Variants in ABCA13 observed in about 807,000 individuals in gnomAD.
ABCA13 encodes ATP binding cassette subfamily A member 13.
A neutral mutation model predicts 478.7 loss-of-function variants in ABCA13; 476 were observed. The observed-to-expected ratio is 0.99, with a 90% CI of 0.92 to 1.07. The LOEUF (loss-of-function observed/expected upper bound fraction) is 1.07. Ranked by LOEUF, ABCA13 falls within the 50% of genes least tolerant of loss-of-function variation. The probability of loss-of-function intolerance (pLI) is 0.00; values close to 1 mark genes in which losing one functional copy is unlikely to be tolerated. For synonymous variants in ABCA13, 2,252 were observed against 2,158.9 expected (o/e 1.04, Z -1.20); for missense variants, 6,060 against 5,910.6 (o/e 1.03, Z -0.83).
At chr7:48,426,483 T>C (rs1428975209) in intron 41 of ABCA13, among the ~76,000 whole-genome samples, 1 of 152,096 alleles carries the variant, frequency 6.6e-6, no homozygotes, top group African/African-American at 2.4e-5. Flanking sequence ...TGAGGTTGTG[T>C]AGAGAAATCA....
chr7:48,633,430 G>A (rs114536194), intron 59 of ABCA13, among the ~76,000 whole-genome samples: 2,387 of 152,110 alleles, frequency 0.016, 54 homozygotes, highest in African/African-American at 0.053. Context: ...GGACCTAATA[G>A]GCATCCACAG....
intron 7 of ABCA13, among the ~76,000 whole-genome samples, chr7:48,232,601 T>C (rs1163451952): frequency 6.6e-6 from 1 of 152,196 alleles, no homozygotes; most frequent in East Asian, 1.9e-4. Flanking sequence ...CTCATGTGGC[T>C]TTAGGCTACT....
intron 48 of ABCA13, among the ~76,000 whole-genome samples, chr7:48,495,409 C>T (rs1830188714): frequency 6.6e-6 from 1 of 152,080 alleles, no homozygotes; most frequent in African/African-American, 2.4e-5. Context: ...CCATACTCTG[C>T]ATTATTTCAA....
At chr7:48,432,438 A>G (rs934893300) in intron 42 of ABCA13, among the ~76,000 whole-genome samples, 1 of 152,120 alleles carries the variant, frequency 6.6e-6, no homozygotes, top group Admixed American at 6.6e-5. Flanking sequence ...TAAAAATAAA[A>G]CCACCATATG....
intron 41 of ABCA13, among the ~76,000 whole-genome samples, chr7:48,422,747 C>G (rs1483990684): frequency 6.6e-6 from 1 of 152,140 alleles, no homozygotes. Flanking sequence ...TAAGTGTTAC[C>G]CATATGGGAC....
intron 15 of ABCA13, among the ~76,000 whole-genome samples, chr7:48,267,554 T>G (rs531670206): frequency 6.6e-6 from 1 of 152,254 alleles, no homozygotes; most frequent in East Asian, 1.9e-4. Context: ...AATTGGATCT[T>G]GTTTTATCCA....
intron 37 of ABCA13, among the ~76,000 whole-genome samples, chr7:48,389,813 G>A (rs1442007391): frequency 6.6e-6 from 1 of 152,118 alleles, no homozygotes; most frequent in Non-Finnish European, 1.5e-5. Flanking sequence ...GGAGGTTTAA[G>A]GTTAAACTAC....
At chr7:48,388,929 C>G (rs1028688610) in intron 36 of ABCA13, 111 bp from the exon 37 acceptor site, 2 of 1,257,594 alleles carry the variant, frequency 1.6e-6, no homozygotes, top group Non-Finnish European at 2.2e-6. Context: ...GATTTGTGTG[C>G]TTCACAGAGC....
At position 48,271,991 on chromosome 7, in the gene ABCA13, A is replaced by C; in HGVS notation, c.2325A>C (p.Thr775=). The change falls in exon 17 of 62, where the codon ACA becomes ACC. Residue 775 remains threonine (T), a synonymous_variant. Coordinates refer to ENST00000435803, the MANE Select transcript of ABCA13 (RefSeq NM_152701.5). The part of the protein sequence containing the change: ...EDILNISSLW[T]NHLKSLKRDP... ...TTCTGAATATAAGTTCTCTGTGGAC[A>C]AATCATTTAAAAAGTTTAAAGAGAG... 1 of 1,613,654 alleles carries C rather than the reference A, an allele frequency of 6.2e-7. No homozygotes were observed. The highest frequency in any genetic ancestry group is 1.1e-5 in the South Asian group (1 of 91,058).
At position 48,412,446 on chromosome 7, in the gene ABCA13, AGT is replaced by A. The variant is rs768010438; in HGVS notation, c.12324_12325del (p.Ser4108ArgfsTer3). 5.6e-6 allele frequency: 9 copies of A among 1,613,484 alleles called. No homozygotes were observed. The highest frequency in any genetic ancestry group is 3.4e-6 in the Non-Finnish European group (4 of 1,179,826). Reference protein sequence around the residue: ...YIPQAFLKDSSGSELTYTIPK... With the variant: ...YIPQAFLKDSXGSELTYTIPK... The stretch of plus-strand genomic sequence containing the variant: ...TCCACAAGCATTTCTCAAAGACAGC[AGT>A]GGAAGTGAGCTGACCTACACCATTC... On this transcript the variant is annotated frameshift_variant, in exon 41 of 62. Coordinates refer to ENST00000435803, the MANE Select transcript of ABCA13 (RefSeq NM_152701.5). LOFTEE classifies it high-confidence loss of function.
At chr7:48,291,333 A>T (rs79468077) in intron 20 of ABCA13, among the ~76,000 whole-genome samples, 1 of 152,052 alleles carries the variant, frequency 6.6e-6, no homozygotes, top group Non-Finnish European at 1.5e-5. Context: ...TCCTTGTCAG[A>T]CCCCTTCAGG....
chr7:48,522,223 C>T (rs1832594170), intron 53 of ABCA13, among the ~76,000 whole-genome samples: 1 of 152,178 alleles, frequency 6.6e-6, no homozygotes, highest in South Asian at 2.1e-4. Flanking sequence ...ATAGATCCTG[C>T]CTTCCCAGCC....
intron 15 of ABCA13, among the ~76,000 whole-genome samples, chr7:48,267,399 A>G (rs778829552): frequency 6.6e-6 from 1 of 152,162 alleles, no homozygotes; most frequent in African/African-American, 2.4e-5. Context: ...TTTTATCATC[A>G]TGAAATGATA....
At chr7:48,417,467 G>A (rs1384819081) in intron 41 of ABCA13, among the ~76,000 whole-genome samples, 1 of 151,952 alleles carries the variant, frequency 6.6e-6, no homozygotes, top group Non-Finnish European at 1.5e-5. Context: ...TTCCTGTCGG[G>A]GACAATCTGG....
intron 5 of ABCA13, among the ~76,000 whole-genome samples, chr7:48,224,923 C>A (rs1411813774): frequency 6.6e-6 from 1 of 152,160 alleles, no homozygotes; most frequent in Non-Finnish European, 1.5e-5. Context: ...ATATACAAGT[C>A]CTTGTTGCAG....
chr7:48,587,210 G>A lies in ABCA13; in HGVS notation c.14562G>A (p.Val4854=), dbSNP rs1439016148. ...LHLEAHADKP[V]ATYSGGTKRK... ...TCGAAGCCCACGCGGACAAACCTGTGGCCACCTACAGTGGGGGAACCAAGC... is the reference window on the plus strand; with the variant it reads ...TCGAAGCCCACGCGGACAAACCTGTAGCCACCTACAGTGGGGGAACCAAGC... Residue 4854 remains valine, a synonymous_variant, in exon 57 of 62, where the codon GTG becomes GTA. Transcript: ENST00000435803. The A allele has an allele frequency of 1.2e-6, 2 of 1,612,916 alleles. No homozygotes were observed. Among genetic ancestry groups the A allele is most frequent in the South Asian group, 1.1e-5 (1 of 90,728 alleles).
intron 8 of ABCA13, 91 bp downstream of exon 8, chr7:48,234,242 C>A (rs781480444): frequency 6.3e-7 from 1 of 1,581,956 alleles, no homozygotes; most frequent in Admixed American, 1.7e-5. Flanking sequence ...GCGGGTGCCA[C>A]GGGAGAGGCA....
intron 48 of ABCA13, among the ~76,000 whole-genome samples, chr7:48,493,802 G>A (rs950484100): frequency 2.6e-5 from 4 of 152,176 alleles, no homozygotes; most frequent in African/African-American, 9.7e-5. Flanking sequence ...TGGTTGATTT[G>A]GAGTAAGTCT....
chr7:48,491,356 G>T (rs557532774), intron 48 of ABCA13, among the ~76,000 whole-genome samples: 1 of 152,310 alleles, frequency 6.6e-6, no homozygotes, highest in East Asian at 1.9e-4. Context: ...GGGTAGAACA[G>T]AGGGAAGAGG....
Sources: allele counts gnomAD v4.1 joint callset (sites outside exome capture counted in the v4.1 genomes callset), GRCh38; gene constraint gnomAD v4.1.1; transcripts MANE v1.5; gene names NCBI Gene and HGNC (gene_info 2026-07-23, HGNC 2026-07-21).